The following MADD variants were observed in gnomAD, a reference collection of about 807,000 sequenced individuals.
The protein encoded by MADD is MAP kinase activating death domain.
A neutral mutation model predicts 176.7 loss-of-function variants in MADD; 109 were observed. That is an observed-to-expected ratio of 0.62 (90% confidence interval 0.53 to 0.72). MADD has a LOEUF of 0.72. Among genes scored for constraint, MADD ranks in the 30% least tolerant of loss-of-function variants. The pLI is 0.00. For synonymous variants in MADD, 771 were observed against 771.3 expected (o/e 1.00, Z 0.01); for missense variants, 1,914 against 2,045.5 (o/e 0.94, Z 1.24).
chr11:47,326,744 A>G (rs1179043273), exon 31 of MADD: 1 of 1,614,136 alleles, frequency 6.2e-7, no homozygotes, highest in Non-Finnish European at 8.5e-7. Context: ...GCAGGTTTTC[A>G]TAGAGCTGAA....
At position 47,282,622 on chromosome 11, in the gene MADD, T is replaced by C. The variant is rs1258859372; in HGVS notation, c.1705+6T>C. 4.3e-6 allele frequency: 7 copies of C among 1,613,542 alleles called. No individual in the cohort carries two copies. Among genetic ancestry groups the C allele is most frequent in the Non-Finnish European group, 5.9e-6 (7 of 1,179,542 alleles). On this transcript the variant is annotated splice_donor_region_variant and intron_variant, in intron 9 of 32. Coordinates refer to ENST00000402192, the Ensembl canonical transcript of MADD. The stretch of plus-strand genomic sequence containing the variant: ...CTTTCAGCGAATTCACAACAGTGAG[T>C]CTACCTGCCCTCTGCTCCGCTCTGC...
chr11:47,274,681 T>C lies in MADD; in HGVS notation c.181T>C (p.Cys61Arg), dbSNP rs1347488441. The C allele has an allele frequency of 1.9e-6, 3 of 1,614,134 alleles. No homozygotes were observed. The African/African-American group carries it at 4.0e-5, about 22-fold the overall frequency. Reference sequence around the variant, plus strand: ...AGTGTTCTTCTGCCAGCCCGAGGGCTGCCTGAGCGTGCGGCAGCGGCGCAT... The same window carrying C: ...AGTGTTCTTCTGCCAGCCCGAGGGCCGCCTGAGCGTGCGGCAGCGGCGCAT... The change falls in exon 3 of 33, where the codon TGC (cysteine) becomes CGC (arginine). Residue 61 changes from cysteine to arginine, a missense_variant. Physicochemically the swap from Cys to Arg is radical, Grantham distance 180. This residue lies in a region of MADD where 1,767 missense variants were observed against 1,836.0 expected (regional missense o/e 0.96). Coordinates refer to ENST00000402192, the Ensembl canonical transcript of MADD.
chr11:47,306,842 A>G (rs924893484), intron 22 of MADD, among the ~76,000 whole-genome samples: 2 of 151,916 alleles, frequency 1.3e-5, no homozygotes, highest in Non-Finnish European at 2.9e-5. Flanking sequence ...TCTTGCTGAC[A>G]TTACTCCCCT....
intron 32 of MADD, 42 bp from the exon 37 acceptor site, chr11:47,329,004 G>T (rs1200319193): frequency 6.9e-7 from 1 of 1,456,062 alleles, no homozygotes; most frequent in Non-Finnish European, 9.7e-7. Context: ...TGGAGATGGA[G>T]GAGTCTCAGT....
At chr11:47,323,875 T>C (rs1345489392) in intron 28 of MADD, 40 bp downstream of exon 31, 1 of 1,594,832 alleles carries the variant, frequency 6.3e-7, no homozygotes, top group Non-Finnish European at 8.6e-7. Context: ...TAGTAGGCAT[T>C]GAAGACCAAA....
At chr11:47,280,826 C>T (rs1328624608) in intron 7 of MADD, among the ~76,000 whole-genome samples, 1 of 152,142 alleles carries the variant, frequency 6.6e-6, no homozygotes, top group Non-Finnish European at 1.5e-5. Context: ...CTTGGCCTCC[C>T]AAAGTATTGG....
exon 23 of MADD, chr11:47,308,598 C>T: frequency 6.2e-7 from 1 of 1,613,656 alleles, no homozygotes; most frequent in Middle Eastern, 1.7e-4. Flanking sequence ...TAGGGTAAAG[C>T]CCACAGCTTG....
chr11:47,289,779 C>G (rs1384387498), intron 16 of MADD, 88 bp from the exon 18 acceptor site: 1 of 1,449,670 alleles, frequency 6.9e-7, no homozygotes, highest in African/African-American at 1.4e-5. Flanking sequence ...TGTTTTACCC[C>G]TGGAGGCAGA....
At chr11:47,319,375 C>T (rs930020336) in intron 27 of MADD, among the ~76,000 whole-genome samples, 24 of 151,730 alleles carry the variant, frequency 1.6e-4, no homozygotes, top group Non-Finnish European at 2.9e-4. Flanking sequence ...TTAAGTGATC[C>T]GTCTGCCTTG....
chr11:47,280,651 G>A (rs2055692785), intron 7 of MADD, among the ~76,000 whole-genome samples: 1 of 152,140 alleles, frequency 6.6e-6, no homozygotes, highest in African/African-American at 2.4e-5. Flanking sequence ...TGCATTCTCT[G>A]CCTCCCAAGT....
intron 26 of MADD, among the ~76,000 whole-genome samples, chr11:47,313,346 G>A (rs1278793814): frequency 6.6e-6 from 1 of 151,552 alleles, no homozygotes. Context: ...TCGCTCTGTG[G>A]CCCAGGCTGG....
At chr11:47,299,081 A>C (rs757155165) in intron 22 of MADD, among the ~76,000 whole-genome samples, 1 of 152,126 alleles carries the variant, frequency 6.6e-6, no homozygotes, top group Non-Finnish European at 1.5e-5. Context: ...TATGGTTACT[A>C]TAGCTTTGTC....
chr11:47,319,028 G>A (rs1255036277), intron 27 of MADD, among the ~76,000 whole-genome samples: 2 of 150,546 alleles, frequency 1.3e-5, no homozygotes, highest in Non-Finnish European at 3.0e-5. Context: ...AGCTGGTCTC[G>A]AACTCCTGAC....
In MADD at chr11:47,325,744, G is replaced by T. The variant is rs1043898709; in HGVS notation, c.4543-994G>T. 1.3e-5 allele frequency among the ~76,000 whole-genome samples: 2 copies of T among 152,214 alleles called. No homozygotes were observed. Among genetic ancestry groups the T allele is most frequent in the African/African-American group, 4.8e-5 (2 of 41,446 alleles). On this transcript the variant is annotated intron_variant, in intron 30 of 32. Coordinates refer to ENST00000402192, the Ensembl canonical transcript of MADD. The surrounding 1 kb of genome is among the most constrained non-coding windows in gnomAD (Gnocchi z 4.5). ...AGACTTCTGACCACATTTTAGCGCC[G>T]TGGCCTCTGAAGATGAGATCTTGCT...
At chr11:47,293,703 G>C (rs976169036) in intron 19 of MADD, among the ~76,000 whole-genome samples, 180 bp from the exon 22 acceptor site, 1 of 152,146 alleles carries the variant, frequency 6.6e-6, no homozygotes, top group Non-Finnish European at 1.5e-5. Flanking sequence ...TGTCCTACTT[G>C]GTTCTTAAGG....
intron 27 of MADD, among the ~76,000 whole-genome samples, chr11:47,316,491 C>T (rs1355231706): frequency 1.3e-4 from 19 of 148,528 alleles, no homozygotes; most frequent in Non-Finnish European, 2.5e-4. Context: ...TGGGTTCAAG[C>T]GATTCTCCTG....
At chr11:47,282,499 G>C in exon 9 of MADD, 1 of 1,614,092 alleles carries the variant, frequency 6.2e-7, no homozygotes, top group Non-Finnish European at 8.5e-7. Context: ...CTCCTTTCTA[G>C]CCTCACGTCC....
intron 8 of MADD, 56 bp from the exon 9 acceptor site, chr11:47,282,325 A>G (rs2057561572): frequency 6.9e-7 from 1 of 1,459,830 alleles, no homozygotes; most frequent in Non-Finnish European, 9.6e-7. Context: ...AAGACTTTGG[A>G]TCATGGGAAT....
chr11:47,282,567 G>T lies in MADD; in HGVS notation c.1656G>T (p.Gly552=), dbSNP rs764789725. ...GGACTCAGGCTGTGGAGTACTTTGG[G>T]GAATGGATCCTTAACCCCACCAACT... Residue 552 remains glycine, a synonymous_variant, in exon 9 of 33, where the codon GGG becomes GGT. Transcript: ENST00000402192. 2.6e-5 allele frequency: 42 copies of T among 1,614,068 alleles called. No individual in the cohort carries two copies. In the Admixed American group the frequency reaches 6.2e-4, roughly 24 times the overall value.
Sources: gnomAD v4.1 joint callset for allele counts (sites outside exome capture counted in the v4.1 genomes callset) on GRCh38, gnomAD v4.1.1 for gene constraint, gnomAD v4.1.1 regional missense constraint, Gnocchi (gnomAD v3.1) non-coding constraint, MANE v1.5 for transcripts, NCBI Gene and HGNC (gene_info 2026-07-23, HGNC 2026-07-21) for gene names.